The following ATP2B2 variants were observed in gnomAD, a reference collection of about 807,000 sequenced individuals.
ATP2B2 encodes plasma membrane calcium-transporting ATPase 2.
A neutral mutation model predicts 120.0 loss-of-function variants in ATP2B2; 15 were observed. The observed-to-expected ratio is 0.12, with a 90% CI of 0.08 to 0.19. The LOEUF (loss-of-function observed/expected upper bound fraction) is 0.19, where lower values mean the gene tolerates loss of function less well. Among genes scored for constraint, ATP2B2 ranks in the 10% least tolerant of loss-of-function variants. ATP2B2 has a pLI of 1.00. For synonymous variants in ATP2B2, 694 were observed against 700.3 expected (o/e 0.99, Z 0.14); for missense variants, 1,045 against 1,719.8 (o/e 0.61, Z 6.94).
In ATP2B2 at chr3:10,486,330, T is replaced by TGCGTGCGTGTGTGC. The variant is rs138585062; in HGVS notation, c.-320+19134_-320+19135insGCACACACGCACGC. Among the ~76,000 whole-genome samples the TGCGTGCGTGTGTGC allele has an allele frequency of 9.3e-4, 138 of 149,126 alleles. 2 individuals carry two copies. Among genetic ancestry groups the TGCGTGCGTGTGTGC allele is most frequent in the Non-Finnish European group, 1.7e-3 (116 of 67,222 alleles). On this transcript the variant is annotated intron_variant, in intron 1 of 22. Coordinates refer to ENST00000360273, the MANE Select transcript of ATP2B2 (RefSeq NM_001001331.4). ...AGCCAGGTGTGTGTGCGTGCGTGTG[T>TGCGTGCGTGTGTGC]GTGTGTGTGTGTGTGTGTGTGTGTG...
intron 1 of ATP2B2, among the ~76,000 whole-genome samples, chr3:10,501,388 TGAGACAGGGTCTCGC>T (rs2066387205): frequency 6.6e-6 from 1 of 151,062 alleles, no homozygotes; most frequent in African/African-American, 2.4e-5. Flanking sequence ...TTTTTTTTTT[TGAGACAGGGTCTCGC>T]TCTGTCATCC....
chr3:10,408,566 C>T (rs2062497649), intron 3 of ATP2B2, among the ~76,000 whole-genome samples: 2 of 152,150 alleles, frequency 1.3e-5, no homozygotes, highest in African/African-American at 2.4e-5. Context: ...TGAGCTAGTG[C>T]CCCAGCCAGA....
chr3:10,598,142 A>G (rs2068816271), intron 2 of ATP2B2, among the ~76,000 whole-genome samples: 1 of 152,224 alleles, frequency 6.6e-6, no homozygotes, highest in South Asian at 2.1e-4. Context: ...GGATTCTCTG[A>G]GAGGTATTCC....
At chr3:10,429,839 C>T (rs145802101) in intron 2 of ATP2B2, among the ~76,000 whole-genome samples, 12 of 152,176 alleles carry the variant, frequency 7.9e-5, no homozygotes, top group Non-Finnish European at 7.4e-5. Context: ...CTCCCGTGAA[C>T]ACCTGAATGA....
intron 1 of ATP2B2, among the ~76,000 whole-genome samples, chr3:10,484,366 G>A (rs1009965): frequency 0.065 from 9,814 of 152,120 alleles, 441 homozygotes; most frequent in Non-Finnish European, 0.081. Flanking sequence ...CAGGCTCCTC[G>A]GGTGAGATTC....
chr3:10,676,950 T>C (rs541592363), intron 1 of ATP2B2, among the ~76,000 whole-genome samples: 32 of 152,328 alleles, frequency 2.1e-4, no homozygotes, highest in African/African-American at 7.7e-4. Flanking sequence ...GAACTCTCAT[T>C]CACTGCTTGT....
In ATP2B2 at chr3:10,346,813, T is replaced by C. The variant is rs2060445219; in HGVS notation, c.2405-676A>G. On this transcript the variant is annotated intron_variant, in intron 16 of 22. Coordinates refer to ENST00000360273, the MANE Select transcript of ATP2B2 (RefSeq NM_001001331.4). The surrounding 1 kb of genome is among the most constrained non-coding windows in gnomAD (Gnocchi z 4.1). ...TGGGGCTTGCGAGCAGGGATGTCCA[T>C]GGGCACGACAGGAATTTGGGTATCA... Among the ~76,000 whole-genome samples, 2 of 152,170 alleles carry C rather than the reference T, an allele frequency of 1.3e-5. No individual in the cohort carries two copies. Among genetic ancestry groups the C allele is most frequent in the African/African-American group, 2.4e-5 (1 of 41,440 alleles).
chr3:10,369,079 C>T (rs1168072376), intron 12 of ATP2B2, among the ~76,000 whole-genome samples: 1 of 152,212 alleles, frequency 6.6e-6, no homozygotes, highest in African/African-American at 2.4e-5. Flanking sequence ...CCCAGCCCTG[C>T]CCAGGGTCTT....
chr3:10,345,344 G>A lies in ATP2B2; in HGVS notation c.2703+40C>T, dbSNP rs754833286. On this transcript the variant is annotated intron_variant, in intron 18 of 22. Coordinates refer to ENST00000360273, the MANE Select transcript of ATP2B2 (RefSeq NM_001001331.4). The stretch of plus-strand genomic sequence containing the variant: ...CCCCGAGCCTCTGTGGGGGGTCTCC[G>A]CCCTCCCCCAGGCTTTGGTGTGGTC... 14 of 1,609,728 alleles carry A rather than the reference G, an allele frequency of 8.7e-6. No homozygotes were observed. In the African/African-American group the frequency reaches 9.4e-5, roughly 11 times the overall value.
intron 1 of ATP2B2, among the ~76,000 whole-genome samples, chr3:10,692,635 GGTTAT>G (rs138103514): frequency 2.0e-5 from 3 of 152,298 alleles, no homozygotes; most frequent in Non-Finnish European, 4.4e-5. Context: ...GCACCTTGTG[GGTTAT>G]GAACCTCCAG....
intron 1 of ATP2B2, among the ~76,000 whole-genome samples, chr3:10,698,936 C>A (rs1217365273): frequency 6.6e-6 from 1 of 152,192 alleles, no homozygotes; most frequent in Non-Finnish European, 1.5e-5. Flanking sequence ...TAAATCATAA[C>A]CGTCATCCAC....
At position 10,342,681 on chromosome 3, in the gene ATP2B2, G is replaced by T; in HGVS notation, c.2917+71C>A. The T allele has an allele frequency of 1.3e-6, 2 of 1,549,702 alleles. No individual in the cohort carries two copies. Among genetic ancestry groups the T allele is most frequent in the Non-Finnish European group, 1.8e-6 (2 of 1,125,106 alleles). On this transcript the variant is annotated intron_variant, in intron 19 of 22. Transcript: ENST00000360273. The surrounding 1 kb of genome is among the most constrained non-coding windows in gnomAD (Gnocchi z 4.4). ...AGGGGGTTGTGACTCGAGAATGCTG[G>T]GTGAGAGCCATGGTGCACCCAGAAG... is the stretch of plus-strand genomic sequence containing the variant.
At chr3:10,432,066 G>A (rs2063332829) in intron 2 of ATP2B2, among the ~76,000 whole-genome samples, 1 of 152,178 alleles carries the variant, frequency 6.6e-6, no homozygotes, top group African/African-American at 2.4e-5. Flanking sequence ...ATAGGGAGAG[G>A]AAAAAATATC....
intron 2 of ATP2B2, among the ~76,000 whole-genome samples, chr3:10,590,463 C>A (rs1441936967): frequency 6.6e-6 from 1 of 152,224 alleles, no homozygotes; most frequent in East Asian, 1.9e-4. Flanking sequence ...TCTAGAGTGT[C>A]CTTCAGCCTC....
intron 6 of ATP2B2, among the ~76,000 whole-genome samples, chr3:10,386,848 C>A (rs1239727527): frequency 6.6e-6 from 1 of 152,224 alleles, no homozygotes; most frequent in African/African-American, 2.4e-5. Context: ...CACAGGAGTG[C>A]AGGTGCATGC....
In ATP2B2 at chr3:10,391,883, G is replaced by A. The variant is rs112284831; in HGVS notation, c.782-3481C>T. On this transcript the variant is annotated intron_variant, in intron 5 of 22. Transcript: ENST00000360273. ...GGCCCTGGACACTGAGTCCTGTCTC[G>A]TGGCCTCTGCCTTTGGAGTGTGCAC... is the stretch of plus-strand genomic sequence containing the variant. 2.7e-3 allele frequency among the ~76,000 whole-genome samples: 408 copies of A among 152,288 alleles called. 2 individuals carry two copies. Among genetic ancestry groups the A allele is most frequent in the African/African-American group, 9.3e-3 (386 of 41,548 alleles).
At chr3:10,664,782 C>T (rs1011140171) in intron 1 of ATP2B2, among the ~76,000 whole-genome samples, 2 of 152,180 alleles carry the variant, frequency 1.3e-5, no homozygotes, top group African/African-American at 4.8e-5. Flanking sequence ...GAGAAAGCCA[C>T]CTTTGCCTGA....
chr3:10,447,358 G>T (rs760930440), intron 2 of ATP2B2, among the ~76,000 whole-genome samples: 1 of 152,230 alleles, frequency 6.6e-6, no homozygotes, highest in African/African-American at 2.4e-5. Context: ...GCTGGAACTT[G>T]GCCGTGAGCT....
intron 2 of ATP2B2, among the ~76,000 whole-genome samples, chr3:10,412,916 T>C (rs921873778): frequency 6.6e-6 from 1 of 152,090 alleles, no homozygotes. Context: ...TGAGGACAGA[T>C]GGGGGTGGAC....
Sources: allele counts gnomAD v4.1 joint callset (sites outside exome capture counted in the v4.1 genomes callset), GRCh38; gene constraint gnomAD v4.1.1; non-coding constraint Gnocchi (gnomAD v3.1); transcripts MANE v1.5; gene names NCBI Gene and HGNC (gene_info 2026-07-23, HGNC 2026-07-21).